The following CDK7 variants were observed in gnomAD, a reference collection of about 807,000 sequenced individuals.
CDK7 encodes cyclin dependent kinase 7.
Under a neutral mutation model 49.1 loss-of-function variants are expected in CDK7, and 25 were observed. That is an observed-to-expected ratio of 0.51 (90% CI 0.37 to 0.71). CDK7 has a LOEUF of 0.71. Among genes scored for constraint, CDK7 ranks in the 30% least tolerant of loss-of-function variants. The pLI is 0.00. For missense variants in CDK7, 316 were observed against 411.7 expected (o/e 0.77, Z 2.01); for synonymous variants, 107 against 140.0 (o/e 0.76, Z 1.67).
intron 3 of CDK7, 37 bp from the exon 4 acceptor site, chr5:69,254,565 C>T (rs753329697): frequency 1.1e-6 from 1 of 883,538 alleles, no homozygotes; most frequent in South Asian, 1.4e-5. Context: ...TTTGAGATTT[C>T]AGAATTATTC....
intron 6 of CDK7, among the ~76,000 whole-genome samples, 183 bp from the exon 7 acceptor site, chr5:69,259,635 A>G (rs1320874915): frequency 6.6e-6 from 1 of 152,172 alleles, no homozygotes; most frequent in African/African-American, 2.4e-5. Flanking sequence ...TACCAAGGTT[A>G]TATATTATAA....
chr5:69,236,068 C>T (rs1236330988), intron 2 of CDK7, among the ~76,000 whole-genome samples: 1 of 152,084 alleles, frequency 6.6e-6, no homozygotes, highest in African/African-American at 2.4e-5. Context: ...TGGTGAAACC[C>T]TGTCTCTACT....
chr5:69,244,250 T>G lies in CDK7; in HGVS notation c.127-8168T>G, dbSNP rs115846440. On this transcript the variant is annotated intron_variant, in intron 2 of 11. Coordinates refer to ENST00000256443, the MANE Select transcript of CDK7 (RefSeq NM_001799.4). ...GATTTCTTTTTCAGATTGTTCACTG[T>G]GGGCATATAGCAGGGCTACTGATTT... 6.5e-3 allele frequency among the ~76,000 whole-genome samples: 983 copies of G among 152,338 alleles called. 4 individuals are homozygous for G. The highest frequency in any genetic ancestry group is 9.4e-3 in the Non-Finnish European group (638 of 68,038).
chr5:69,265,107 C>T (rs1561369550), intron 8 of CDK7, among the ~76,000 whole-genome samples: 1 of 151,166 alleles, frequency 6.6e-6, no homozygotes, highest in African/African-American at 2.4e-5. Context: ...GTTGAAAATA[C>T]AAAAAAAATT....
intron 9 of CDK7, among the ~76,000 whole-genome samples, chr5:69,271,805 C>G (rs775756961): frequency 6.6e-6 from 1 of 152,114 alleles, no homozygotes; most frequent in African/African-American, 2.4e-5. Context: ...AGCCACTATG[C>G]CCTTGGCTGT....
intron 2 of CDK7, among the ~76,000 whole-genome samples, chr5:69,240,087 A>C (rs80264988): frequency 5.3e-5 from 8 of 152,238 alleles, no homozygotes; most frequent in Admixed American, 1.3e-4. Context: ...TGTAATGCCA[A>C]ATTCCCCATA....
chr5:69,236,746 G>A (rs990263334), intron 2 of CDK7, among the ~76,000 whole-genome samples: 1 of 151,582 alleles, frequency 6.6e-6, no homozygotes, highest in South Asian at 2.1e-4. Context: ...CTGCCTCCCG[G>A]GTTCAAGCAC....
chr5:69,247,128 C>T (rs547494465), intron 2 of CDK7, among the ~76,000 whole-genome samples: 4 of 152,246 alleles, frequency 2.6e-5, no homozygotes, highest in Admixed American at 6.5e-5. Context: ...GTCTGTAGTG[C>T]GGATTAAGTC....
intron 8 of CDK7, 152 bp downstream of exon 8, chr5:69,262,456 G>A: frequency 2.2e-6 from 2 of 893,126 alleles, no homozygotes; most frequent in East Asian, 2.7e-5. Flanking sequence ...ATCACTTGAG[G>A]TCAGGAGTTC....
chr5:69,243,294 A>G (rs1749507587), intron 2 of CDK7, among the ~76,000 whole-genome samples: 1 of 152,212 alleles, frequency 6.6e-6, no homozygotes, highest in Admixed American at 6.5e-5. Context: ...AAGACTAGAA[A>G]GACTAAATCT....
At chr5:69,248,802 C>CTTTTTTTTTTTTTTTTTTTTTT (rs70992911) in intron 2 of CDK7, among the ~76,000 whole-genome samples, 30 of 92,248 alleles carry the variant, frequency 3.3e-4, no homozygotes, top group Non-Finnish European at 4.8e-4. Context: ...TTTTTTTTTT[C>CTTTTTTTTTTTTTTTTTTTTTT]TTTTTTTTTT....
At chr5:69,236,744 C>G (rs549188991) in intron 2 of CDK7, among the ~76,000 whole-genome samples, 2 of 151,646 alleles carry the variant, frequency 1.3e-5, no homozygotes, top group Non-Finnish European at 2.9e-5. Context: ...CTCTGCCTCC[C>G]GGGTTCAAGC....
intron 9 of CDK7, among the ~76,000 whole-genome samples, chr5:69,271,513 C>T (rs904262160): frequency 1.6e-4 from 22 of 134,312 alleles, no homozygotes; most frequent in Middle Eastern, 3.7e-3. Flanking sequence ...ATTTTTTTTT[C>T]TTTTTTTTTT....
intron 10 of CDK7, among the ~76,000 whole-genome samples, chr5:69,275,992 T>G (rs1752094031): frequency 6.6e-6 from 1 of 152,196 alleles, no homozygotes; most frequent in Admixed American, 6.5e-5. Flanking sequence ...TCAGCCTGTA[T>G]AGGCTATTTA....
upstream of CDK7, chr5:69,234,849 GGCGGGGATACTAAA>G: frequency 6.4e-6 from 6 of 934,702 alleles, no homozygotes; most frequent in Non-Finnish European, 9.9e-6. Flanking sequence ...ACGGAAGTGA[GGCGGGGATACTAAA>G]GCGACGGAGC....
intron 9 of CDK7, 141 bp from the exon 10 acceptor site, chr5:69,272,751 C>G (rs1168613464): frequency 2.2e-6 from 1 of 448,594 alleles, no homozygotes; most frequent in Non-Finnish European, 3.9e-6. Flanking sequence ...TCAGCCTTGT[C>G]TTACTACTAG....
chr5:69,237,093 C>T (rs2150178383), intron 2 of CDK7, among the ~76,000 whole-genome samples: 1 of 149,516 alleles, frequency 6.7e-6, no homozygotes. Context: ...ATCTTTCTTT[C>T]TTTTGTGGTG....
chr5:69,272,003 C>A (rs576364845), intron 9 of CDK7, among the ~76,000 whole-genome samples: 33 of 151,820 alleles, frequency 2.2e-4, no homozygotes, highest in African/African-American at 8.0e-4. Context: ...CTTGTCCAGG[C>A]TGGTCTCGAA....
intron 8 of CDK7, among the ~76,000 whole-genome samples, chr5:69,263,229 A>G (rs148498421): frequency 5.9e-5 from 9 of 151,406 alleles, no homozygotes; most frequent in African/African-American, 2.2e-4. Context: ...AGGTAAAGGG[A>G]TACAGGGGAA....
Sources: gnomAD v4.1 joint callset for allele counts (sites outside exome capture counted in the v4.1 genomes callset) on GRCh38, gnomAD v4.1.1 for gene constraint, MANE v1.5 for transcripts, NCBI Gene and HGNC (gene_info 2026-07-23, HGNC 2026-07-21) for gene names.